Variants in SBF2 observed in about 807,000 individuals in gnomAD.
The protein encoded by SBF2 is myotubularin-related protein 13.
A neutral mutation model predicts 225.2 loss-of-function variants in SBF2; 112 were observed. The ratio of observed to expected loss-of-function variants is 0.50; its 90% CI spans 0.43 to 0.58. The LOEUF (loss-of-function observed/expected upper bound fraction) is 0.58. Ranked by LOEUF, SBF2 falls within the 20% of genes least tolerant of loss-of-function variation. SBF2 has a pLI of 0.00. For synonymous variants in SBF2, 763 were observed against 773.3 expected, an observed-to-expected ratio of 0.99 and a Z score of 0.22; for missense variants, 1,996 against 2,206.2, an observed-to-expected ratio of 0.90 and a Z score of 1.91.
intron 17 of SBF2, among the ~76,000 whole-genome samples, chr11:9,868,215 TG>T (rs1382963081): frequency 1.3e-5 from 2 of 151,614 alleles, no homozygotes; most frequent in Non-Finnish European, 2.9e-5. Flanking sequence ...AAAAAGTTGT[TG>T]GGGCGCAGTG....
At chr11:9,831,201 G>C (rs1259836437) in intron 27 of SBF2, among the ~76,000 whole-genome samples, 1 of 152,202 alleles carries the variant, frequency 6.6e-6, no homozygotes, top group Admixed American at 6.5e-5. Context: ...GTTTTGCCAT[G>C]TTGCCCAGGC....
chr11:9,809,067 T>A, intron 30 of SBF2, 65 bp from the exon 31 acceptor site: 1 of 1,261,800 alleles, frequency 7.9e-7, no homozygotes, highest in Non-Finnish European at 1.2e-6. Flanking sequence ...TCAGAGAGAG[T>A]TGCTTTCAAC....
chr11:10,120,222 A>C (rs1165325288), intron 2 of SBF2, among the ~76,000 whole-genome samples: 2 of 152,216 alleles, frequency 1.3e-5, no homozygotes, highest in Admixed American at 6.5e-5. Context: ...CACACAGCAT[A>C]ATGTTCTCAT....
chr11:9,780,523 A>G lies in SBF2; in HGVS notation c.5452-7T>C. 6.2e-7 allele frequency: 1 copy of G among 1,613,386 alleles called. No individual in the cohort carries two copies. Among genetic ancestry groups the G allele is most frequent in the Non-Finnish European group, 8.5e-7 (1 of 1,179,350 alleles). On this transcript the variant is annotated splice_polypyrimidine_tract_variant and splice_region_variant and intron_variant, in intron 39 of 39. Coordinates refer to ENST00000256190, the MANE Select transcript of SBF2 (RefSeq NM_030962.4). ...CACGTTTGCTGGTCTTGAGCTACAAAACCAAATGACAGTGAACCAGAGATG... is the reference window on the plus strand; with the variant it reads ...CACGTTTGCTGGTCTTGAGCTACAAGACCAAATGACAGTGAACCAGAGATG...
At chr11:10,196,866 A>ATATATATATATTTTTTTT in intron 1 of SBF2, among the ~76,000 whole-genome samples, 2 of 99,314 alleles carry the variant, frequency 2.0e-5, no homozygotes, top group South Asian at 3.5e-4. Context: ...ATATATATAT[A>ATATATATATATTTTTTTT]TTTTTTTTTT....
At chr11:9,826,824 G>A (rs537966817) in intron 28 of SBF2, among the ~76,000 whole-genome samples, 43 of 151,230 alleles carry the variant, frequency 2.8e-4, no homozygotes, top group African/African-American at 9.2e-4. Context: ...TGCTCTTGTT[G>A]CCCAGGCTGG....
At chr11:10,114,014 T>C (rs1260083756) in intron 2 of SBF2, among the ~76,000 whole-genome samples, 1 of 152,200 alleles carries the variant, frequency 6.6e-6, no homozygotes, top group African/African-American at 2.4e-5. Context: ...TTTCTCTTAT[T>C]TATTGATCAA....
intron 16 of SBF2, among the ~76,000 whole-genome samples, chr11:9,927,278 AT>A (rs1864128713): frequency 6.6e-6 from 1 of 152,204 alleles, no homozygotes; most frequent in Non-Finnish European, 1.5e-5. Context: ...CTAGGCCTGG[AT>A]ATCTTTATTT....
intron 28 of SBF2, among the ~76,000 whole-genome samples, chr11:9,826,751 A>ATG (rs1191716598): frequency 4.1e-5 from 6 of 146,164 alleles, no homozygotes; most frequent in South Asian, 2.2e-4. Flanking sequence ...GTGTGTGTGT[A>ATG]TGTGTGTGTG....
chr11:10,177,315 C>T (rs1460382550), intron 2 of SBF2, among the ~76,000 whole-genome samples: 1 of 147,166 alleles, frequency 6.8e-6, no homozygotes, highest in Non-Finnish European at 1.5e-5. Flanking sequence ...CACTCCTATT[C>T]AACATAGTGT....
intron 29 of SBF2, among the ~76,000 whole-genome samples, chr11:9,816,522 A>C (rs905621590): frequency 1.3e-5 from 2 of 152,210 alleles, no homozygotes; most frequent in Non-Finnish European, 2.9e-5. Flanking sequence ...AAGGCTGTTG[A>C]AAACACAGCC....
At chr11:10,044,042 G>T (rs367885400) in intron 2 of SBF2, among the ~76,000 whole-genome samples, 2 of 152,224 alleles carry the variant, frequency 1.3e-5, no homozygotes, top group African/African-American at 4.8e-5. Flanking sequence ...TAGAAAAGAA[G>T]AAAGATCTAA....
chr11:10,292,239 T>C (rs1964202809), intron 1 of SBF2, among the ~76,000 whole-genome samples: 2 of 152,250 alleles, frequency 1.3e-5, no homozygotes, highest in Non-Finnish European at 2.9e-5. Flanking sequence ...ACTGTGATCA[T>C]GTAGGAGAAC....
chr11:9,955,410 A>G (rs146636240), intron 16 of SBF2, among the ~76,000 whole-genome samples: 21 of 152,192 alleles, frequency 1.4e-4, no homozygotes, highest in African/African-American at 4.1e-4. Flanking sequence ...AAATTTTTCC[A>G]TATCAGTACA....
intron 28 of SBF2, among the ~76,000 whole-genome samples, chr11:9,821,365 G>T (rs571948370): frequency 2.0e-5 from 3 of 152,200 alleles, no homozygotes; most frequent in African/African-American, 7.2e-5. Flanking sequence ...AAATATTAAG[G>T]ACTCCCCCAA....
chr11:9,880,351 C>T (rs540464460), intron 17 of SBF2, among the ~76,000 whole-genome samples: 137 of 152,264 alleles, frequency 9.0e-4, no homozygotes, highest in Admixed American at 3.2e-3. Context: ...ATCTAAATTT[C>T]GCGCTTCTTT....
intron 17 of SBF2, among the ~76,000 whole-genome samples, chr11:9,867,846 T>A (rs2134037236): frequency 6.6e-6 from 1 of 152,260 alleles, no homozygotes; most frequent in Non-Finnish European, 1.5e-5. Flanking sequence ...GGATGATGGT[T>A]CCAAGAAGCT....
chr11:10,006,834 T>G (rs1948216299), intron 6 of SBF2, among the ~76,000 whole-genome samples: 2 of 152,174 alleles, frequency 1.3e-5, no homozygotes, highest in Non-Finnish European at 1.5e-5. Context: ...TTGCAGCAGT[T>G]AGCTGAAAAT....
intron 1 of SBF2, among the ~76,000 whole-genome samples, chr11:10,210,473 G>A (rs1459492002): frequency 6.6e-6 from 1 of 150,988 alleles, no homozygotes; most frequent in African/African-American, 2.4e-5. Context: ...CTTGTCACAT[G>A]ATTACACCCA....
Sources: allele counts gnomAD v4.1 joint callset (sites outside exome capture counted in the v4.1 genomes callset), GRCh38; gene constraint gnomAD v4.1.1; transcripts MANE v1.5; gene names NCBI Gene and HGNC (gene_info 2026-07-23, HGNC 2026-07-21).